Variants in CFHR4 observed in about 807,000 individuals in gnomAD.
CFHR4 encodes the protein complement factor H-related protein 4.
A neutral mutation model predicts 69.3 loss-of-function variants in CFHR4; 64 were observed. That is an observed-to-expected ratio of 0.92 (90% CI 0.76 to 1.14). CFHR4 has a LOEUF of 1.14. CFHR4 is among the 50% of genes most tolerant of loss of function. CFHR4 has a pLI of 0.00. For missense variants in CFHR4, 636 were observed against 684.9 expected (o/e 0.93, Z 0.80); for synonymous variants, 244 against 237.0 (o/e 1.03, Z -0.27).
Position 196,889,891 on chromosome 1 carries a change from C to T in CFHR4, c.58+1683C>T, listed in dbSNP as rs899952417. ...GGACACACCATATAGAGAAAGACCACGTAAGGCATAGAGAGAATACAACCA... is the reference window on the plus strand; with the variant it reads ...GGACACACCATATAGAGAAAGACCATGTAAGGCATAGAGAGAATACAACCA... On this transcript the variant is annotated intron_variant, in intron 1 of 9. Coordinates refer to ENST00000608469, the MANE Select transcript of CFHR4 (RefSeq NM_001201550.3). Among the ~76,000 whole-genome samples, 4 of 151,334 alleles carry T rather than the reference C, an allele frequency of 2.6e-5. No individual in the cohort carries two copies. The South Asian group carries it at 6.2e-4, about 24-fold the overall frequency.
At chr1:196,889,202 G>A (rs1403338931) in intron 1 of CFHR4, among the ~76,000 whole-genome samples, 1 of 151,260 alleles carries the variant, frequency 6.6e-6, no homozygotes, top group Admixed American at 6.6e-5. Flanking sequence ...CACTTTATTT[G>A]ATTCTAAGTA....
Position 196,905,104 on chromosome 1 carries a change from T to C in CFHR4, c.257-4T>C, listed in dbSNP as rs754864143. The stretch of plus-strand genomic sequence containing the variant: ...TACTTTTTTCTCTACTTTTTCTATT[T>C]TAGGAACATGCTCAAAATCAGATGT... On this transcript the variant is annotated splice_polypyrimidine_tract_variant and splice_region_variant and intron_variant, in intron 2 of 9. Transcript: ENST00000608469. 1.2e-5 allele frequency: 19 copies of C among 1,590,980 alleles called. 1 individual carries two copies. The African/African-American group carries it at 2.2e-4, about 18-fold the overall frequency.
In CFHR4 at chr1:196,907,390, C is replaced by G. The variant is rs776471590; in HGVS notation, c.691C>G (p.Leu231Val). 13 of 1,611,750 alleles carry G rather than the reference C, an allele frequency of 8.1e-6. 1 individual carries two copies. In the African/African-American group the frequency reaches 1.5e-4, roughly 18 times the overall value. ...DTTSFPQKVYLPWSRVEYQCQ... is the reference protein window; with the variant it reads ...DTTSFPQKVYVPWSRVEYQCQ... Reference sequence around the variant, plus strand: ...CACGTCCTTCCCGCAAAAAGTGTATCTGCCATGGTCAAGAGTCGAGTACCA... The same window carrying G: ...CACGTCCTTCCCGCAAAAAGTGTATGTGCCATGGTCAAGAGTCGAGTACCA... Residue 231 changes from leucine (L) to valine (V), a missense_variant, in exon 5 of 10, where the codon CTG becomes GTG. This residue lies in a region of CFHR4 where 529 missense variants were observed against 533.2 expected (regional missense o/e 0.99). Coordinates refer to ENST00000608469, the MANE Select transcript of CFHR4 (RefSeq NM_001201550.3).
At chr1:196,901,503 G>A (rs1657601813) in intron 1 of CFHR4, among the ~76,000 whole-genome samples, 1 of 151,420 alleles carries the variant, frequency 6.6e-6, no homozygotes, top group African/African-American at 2.4e-5. Context: ...TTGTGCGTGT[G>A]TGTGTGGTGC....
chr1:196,891,273 T>C (rs1657016834), intron 1 of CFHR4, among the ~76,000 whole-genome samples: 1 of 151,446 alleles, frequency 6.6e-6, no homozygotes, highest in African/African-American at 2.4e-5. Flanking sequence ...GTAAATAAAA[T>C]GATTTCCTTT....
Position 196,892,017 on chromosome 1 carries a change from A to C in CFHR4, c.58+3809A>C, listed in dbSNP as rs151110897. ...TCAGATTTTTTCTTATGTTATAGTA[A>C]TATTTCTTTTCTCTATTTTCCAAAA... On this transcript the variant is annotated intron_variant, in intron 1 of 9. Transcript: ENST00000608469. Among the ~76,000 whole-genome samples the C allele has an allele frequency of 2.1e-4, 32 of 151,614 alleles. 1 individual carries two copies. The highest frequency in any genetic ancestry group is 6.3e-4 in the African/African-American group (26 of 41,182).
At position 196,910,149 on chromosome 1, in the gene CFHR4, CTAAAAAAAAAAAAAAAG is replaced by C. The variant is rs1169954240; in HGVS notation, c.800-127_800-111del. The C allele has an allele frequency of 7.5e-6, 4 of 535,728 alleles. No individual in the cohort carries two copies. The African/African-American group carries it at 9.7e-5, about 13-fold the overall frequency. The allele number at this position is 535,728 out of a possible 1,614,324, so 33.2% of individuals were successfully genotyped here. On this transcript the variant is annotated intron_variant, in intron 5 of 9. Transcript: ENST00000608469. The stretch of plus-strand genomic sequence containing the variant: ...CCTGGGAGACAGAGCGAAATTTCAT[CTAAAAAAAAAAAAAAAG>C]TAAAGAAAAAAAAAAACATTATTTG...
chr1:196,916,401 A>T (rs1658634706), intron 9 of CFHR4, among the ~76,000 whole-genome samples: 1 of 151,944 alleles, frequency 6.6e-6, no homozygotes, highest in South Asian at 2.1e-4. Flanking sequence ...AAAGGATGAT[A>T]CAAGCCGTTC....
At position 196,912,847 on chromosome 1, in the gene CFHR4, G is replaced by A; in HGVS notation, c.1105G>A (p.Ala369Thr). 6.2e-7 allele frequency: 1 copy of A among 1,611,012 alleles called. No homozygotes were observed. The highest frequency in any genetic ancestry group is 8.5e-7 in the Non-Finnish European group (1 of 1,178,704). ...ACAATATAAATGTAAACCAGGATATGCAACAGCAGATGGAAATTCTTCAGG... is the reference window on the plus strand; with the variant it reads ...ACAATATAAATGTAAACCAGGATATACAACAGCAGATGGAAATTCTTCAGG... ...EIQYKCKPGY[A>T]TADGNSSGSI... is the part of the protein sequence containing the mutation. Residue 369 changes from alanine (A) to threonine (T), a missense_variant, in exon 7 of 10, where the codon GCA (alanine) becomes ACA (threonine). Transcript: ENST00000608469.
intron 4 of CFHR4, 41 bp downstream of exon 4, chr1:196,907,078 A>T (rs1367561449): frequency 6.6e-7 from 1 of 1,523,672 alleles, no homozygotes; most frequent in Admixed American, 1.9e-5. Flanking sequence ...CTAGAATTAA[A>T]CAAATAGAAA....
In CFHR4 at chr1:196,905,887, C is replaced by T. The variant is rs557106975; in HGVS notation, c.439+597C>T. On this transcript the variant is annotated intron_variant, in intron 3 of 9. Coordinates refer to ENST00000608469, the MANE Select transcript of CFHR4 (RefSeq NM_001201550.3). ...CAAACCTCATACTTGGCAATGGATT[C>T]CTTACAACTAAAGTTCTCTAAAACA... is the stretch of plus-strand genomic sequence containing the variant. Among the ~76,000 whole-genome samples the T allele has an allele frequency of 5.9e-5, 9 of 151,428 alleles. No individual in the cohort carries two copies. In the East Asian group the frequency reaches 1.4e-3, roughly 23 times the overall value.
intron 3 of CFHR4, 69 bp downstream of exon 3, chr1:196,905,359 T>C: frequency 1.9e-6 from 3 of 1,579,574 alleles, no homozygotes; most frequent in Non-Finnish European, 2.6e-6. Flanking sequence ...GATAGTGTTT[T>C]ACAGAAAAAG....
At chr1:196,898,102 A>G (rs999639251) in intron 1 of CFHR4, among the ~76,000 whole-genome samples, 1 of 151,340 alleles carries the variant, frequency 6.6e-6, no homozygotes, top group African/African-American at 2.4e-5. Context: ...TGATTTCTAC[A>G]TAGTCCACAC....
chr1:196,907,458 A>G lies in CFHR4; in HGVS notation c.759A>G (p.Thr253=). Reference sequence around the variant, plus strand: ...AACTTCAGGGTTCTAAATATGTAACATGTAGTAATGGAGACTGGTCAGAAC... The same window carrying G: ...AACTTCAGGGTTCTAAATATGTAACGTGTAGTAATGGAGACTGGTCAGAAC... ...YYELQGSKYV[T]CSNGDWSEPP... The change falls in exon 5 of 10, where the codon ACA becomes ACG. Residue 253 remains threonine (T), a synonymous_variant. Coordinates refer to ENST00000608469, the MANE Select transcript of CFHR4 (RefSeq NM_001201550.3). 1 of 1,612,116 alleles carries G rather than the reference A, an allele frequency of 6.2e-7. No individual in the cohort carries two copies. Among genetic ancestry groups the G allele is most frequent in the Non-Finnish European group, 8.5e-7 (1 of 1,179,078 alleles).
At position 196,907,150 on chromosome 1, in the gene CFHR4, C is replaced by A. The variant is rs983427680; in HGVS notation, c.616+113C>A. ...CATATGTGTACATATACATGTAGTC[C>A]TCATTTGAGTGTGAATTACCTTGAA... On this transcript the variant is annotated intron_variant, in intron 4 of 9. Coordinates refer to ENST00000608469, the MANE Select transcript of CFHR4 (RefSeq NM_001201550.3). 24 of 1,190,848 alleles carry A rather than the reference C, an allele frequency of 2.0e-5. 1 individual carries two copies. In the Admixed American group the frequency reaches 2.2e-4, roughly 11 times the overall value. The allele number at this position is 1,190,848 out of a possible 1,614,324, so 73.8% of individuals were successfully genotyped here. A position where few individuals can be genotyped will look rare whatever the true frequency, so the allele number is the denominator to read the frequency against.
intron 1 of CFHR4, among the ~76,000 whole-genome samples, chr1:196,897,020 T>C (rs1037367785): frequency 1.3e-5 from 2 of 151,526 alleles, no homozygotes; most frequent in African/African-American, 4.9e-5. Context: ...GTATCAAACA[T>C]AAACACTACT....
rs549976132 is a variant in CFHR4 at position 196,899,830 on chromosome 1, A to G, written c.59-2588A>G. ...AAAGATGGAGAAATTGACTGGTTTG[A>G]TGATTTATCAAGTAGTTTGCAGTTT... is the stretch of plus-strand genomic sequence containing the variant. On this transcript the variant is annotated intron_variant, in intron 1 of 9. Transcript: ENST00000608469. Among the ~76,000 whole-genome samples, 10 of 151,588 alleles carry G rather than the reference A, an allele frequency of 6.6e-5. 1 individual carries two copies. The highest frequency in any genetic ancestry group is 1.0e-4 in the Non-Finnish European group (7 of 67,956).
rs1292249254 is a variant in CFHR4 at position 196,907,472 on chromosome 1, A to C, written c.773A>C (p.Asp258Ala). The C allele has an allele frequency of 6.2e-7, 1 of 1,611,342 alleles. No individual in the cohort carries two copies. Among genetic ancestry groups the C allele is most frequent in the Non-Finnish European group, 8.5e-7 (1 of 1,178,696 alleles). Residue 258 changes from aspartate to alanine, a missense_variant, in exon 5 of 10, where the codon GAC becomes GCC. By Grantham distance (126) the Asp-to-Ala change is moderately radical. Transcript: ENST00000608469. ...AAATATGTAACATGTAGTAATGGAG[A>C]CTGGTCAGAACCACCAAGATGCATA... ...GSKYVTCSNG[D>A]WSEPPRCISM...
At chr1:196,911,339 C>T (rs775000694) in intron 6 of CFHR4, among the ~76,000 whole-genome samples, 16 of 151,408 alleles carry the variant, frequency 1.1e-4, no homozygotes, top group Non-Finnish European at 2.1e-4. Flanking sequence ...AAATAGACTA[C>T]GGATTAAAGT....
Sources: gnomAD v4.1 joint callset for allele counts (sites outside exome capture counted in the v4.1 genomes callset) on GRCh38, gnomAD v4.1.1 for gene constraint, gnomAD v4.1.1 regional missense constraint, MANE v1.5 for transcripts, NCBI Gene and HGNC (gene_info 2026-07-23, HGNC 2026-07-21) for gene names.